The following BLOC1S6 variants were observed in gnomAD, a reference collection of about 807,000 sequenced individuals.
BLOC1S6 encodes biogenesis of lysosome-related organelles complex 1 subunit 6.
BLOC1S6 carries 24 observed loss-of-function variants against 24.7 expected under a neutral mutation model. That is an observed-to-expected ratio of 0.97 (90% CI 0.70 to 1.37). BLOC1S6 has a LOEUF of 1.37. BLOC1S6 is among the 40% of genes most tolerant of loss of function. The pLI is 0.00. For synonymous variants in BLOC1S6, 76 were observed against 72.6 expected, an observed-to-expected ratio of 1.05 and a Z score of -0.23; for missense variants, 175 against 196.2, an observed-to-expected ratio of 0.89 and a Z score of 0.64.
rs769458704 is a variant in BLOC1S6 at position 45,606,463 on chromosome 15, G to C, written c.468G>C (p.Lys156Asn). 6.2e-7 allele frequency: 1 copy of C among 1,614,130 alleles called. No individual in the cohort carries two copies. The highest frequency in any genetic ancestry group is 1.7e-5 in the Admixed American group (1 of 60,016). ...EELEREQQRE[K>N]EFEREKQLTA... ...TGGAAAGGGAGCAGCAACGAGAGAAGGAGTTTGAAAGAGAAAAGCAGTTAA... is the reference window on the plus strand; with the variant it reads ...TGGAAAGGGAGCAGCAACGAGAGAACGAGTTTGAAAGAGAAAAGCAGTTAA... The change falls in exon 5 of 5, where the codon AAG (lysine) becomes AAC (asparagine). Residue 156 changes from lysine to asparagine, a missense_variant. By Grantham distance (94) the Lys-to-Asn change is moderately conservative. Transcript: ENST00000220531.
chr15:45,593,516 C>T (rs79663035), intron 2 of BLOC1S6, among the ~76,000 whole-genome samples: 4,568 of 151,862 alleles, frequency 0.03, 94 homozygotes, highest in South Asian at 0.06. Context: ...ATCCCTAGCG[C>T]GCGATATACC....
At chr15:45,593,184 G>A (rs949516655) in intron 2 of BLOC1S6, among the ~76,000 whole-genome samples, 6 of 151,426 alleles carry the variant, frequency 4.0e-5, no homozygotes, top group Non-Finnish European at 8.8e-5. Context: ...ACTTGAGGTC[G>A]GGAGTTTTAG....
intron 1 of BLOC1S6, among the ~76,000 whole-genome samples, chr15:45,590,565 G>T (rs1190435086): frequency 2.6e-5 from 4 of 151,744 alleles, no homozygotes; most frequent in Admixed American, 2.6e-4. Context: ...ACAACACTAC[G>T]CCCGGGAAAT....
chr15:45,609,299 A>G lies in BLOC1S6; in HGVS notation c.*2785A>G, dbSNP rs1431856583. On this transcript the variant is annotated 3_prime_UTR_variant, in exon 5 of 5. Transcript: ENST00000220531. Reference sequence around the variant, plus strand: ...ATCGCACCACTGAACTCCAGCCCGTATGACAGAGTGAGACCCTGTTTCTAA... The same window carrying G: ...ATCGCACCACTGAACTCCAGCCCGTGTGACAGAGTGAGACCCTGTTTCTAA... 4 of 151,998 alleles carry G rather than the reference A, an allele frequency of 2.6e-5. No individual in the cohort carries two copies. The highest frequency in any genetic ancestry group is 5.9e-5 in the Non-Finnish European group (4 of 68,044). 9.4% of individuals were successfully genotyped at this position (151,998 alleles called of 1,614,324 possible).
chr15:45,605,415 T>C lies in BLOC1S6; in HGVS notation c.313-13T>C. ...ATTTTAACTTGACTTTTCATTTATT[T>C]TTCCATGTTAAGTTTGCTGAGGCTA... On this transcript the variant is annotated splice_polypyrimidine_tract_variant and intron_variant, in intron 3 of 4. Transcript: ENST00000220531. 6.3e-7 allele frequency: 1 copy of C among 1,589,908 alleles called. No homozygotes were observed. The highest frequency in any genetic ancestry group is 1.1e-5 in the South Asian group (1 of 90,046).
rs538421035 is a variant in BLOC1S6, at chr15:45,608,083, G to A, written c.*1569G>A. 6.5e-6 allele frequency: 1 copy of A among 152,702 alleles called. No individual in the cohort carries two copies. Among genetic ancestry groups the A allele is most frequent in the Non-Finnish European group, 1.5e-5 (1 of 68,026 alleles). The allele number at this position is 152,702 out of a possible 1,614,324, so 9.5% of individuals were successfully genotyped here. ...CAGAGCCTGTGAAGATGTATGAATGGTATCTTTTATAATCCACAATACATT... is the reference window on the plus strand; with the variant it reads ...CAGAGCCTGTGAAGATGTATGAATGATATCTTTTATAATCCACAATACATT... On this transcript the variant is annotated 3_prime_UTR_variant, in exon 5 of 5. Transcript: ENST00000220531.
At chr15:45,588,868 A>C (rs934359460) in intron 1 of BLOC1S6, among the ~76,000 whole-genome samples, 2 of 152,072 alleles carry the variant, frequency 1.3e-5, no homozygotes, top group Admixed American at 1.3e-4. Context: ...TATTGCATCC[A>C]TTCCACTCCT....
intron 2 of BLOC1S6, among the ~76,000 whole-genome samples, chr15:45,592,731 C>T (rs1893931033): frequency 6.6e-6 from 1 of 152,260 alleles, no homozygotes; most frequent in East Asian, 1.9e-4. Flanking sequence ...GATAACTTTA[C>T]TAGTAAGTAA....
chr15:45,605,354 A>G (rs1894410613), intron 3 of BLOC1S6, 74 bp from the exon 4 acceptor site: 13 of 1,194,294 alleles, frequency 1.1e-5, no homozygotes, highest in Non-Finnish European at 1.6e-5. Context: ...TATCATTTAT[A>G]TATTGCCTTA....
At chr15:45,591,142 A>G (rs1893869233) in intron 1 of BLOC1S6, among the ~76,000 whole-genome samples, 1 of 152,200 alleles carries the variant, frequency 6.6e-6, no homozygotes, top group East Asian at 1.9e-4. Flanking sequence ...ACTATTTTCT[A>G]TGGTAAATTA....
chr15:45,605,278 T>G (rs1894408391), intron 3 of BLOC1S6, 150 bp from the exon 4 acceptor site: 2 of 627,080 alleles, frequency 3.2e-6, no homozygotes, highest in Admixed American at 3.1e-5. Context: ...TAAGGAAATC[T>G]TTATTTTGGA....
chr15:45,602,135 A>G (rs535826765), intron 2 of BLOC1S6, among the ~76,000 whole-genome samples: 5 of 152,054 alleles, frequency 3.3e-5, no homozygotes, highest in Admixed American at 1.3e-4. Context: ...GCTTCAAGCA[A>G]TCCTCCTTCC....
At chr15:45,605,742 A>G (rs1406207546) in intron 4 of BLOC1S6, 1 of 434,388 alleles carries the variant, frequency 2.3e-6, no homozygotes, top group Non-Finnish European at 4.2e-6. Flanking sequence ...GGTGCCCGCC[A>G]CCACACCCAC....
chr15:45,589,809 A>T (rs1893817442), intron 1 of BLOC1S6, among the ~76,000 whole-genome samples: 1 of 152,048 alleles, frequency 6.6e-6, no homozygotes, highest in Non-Finnish European at 1.5e-5. Context: ...GTGACTTCTT[A>T]ACCATTGGAA....
chr15:45,592,393 T>A, intron 2 of BLOC1S6, 117 bp downstream of exon 2: 1 of 1,253,322 alleles, frequency 8.0e-7, no homozygotes. Context: ...TAATTGAGTA[T>A]GTCTATATCT....
chr15:45,601,518 C>T (rs1894269118), intron 2 of BLOC1S6: 1 of 152,164 alleles, frequency 6.6e-6, no homozygotes, highest in African/African-American at 2.4e-5. Context: ...TAGTCCATTC[C>T]ATCCACATTA....
rs1216096727 is a variant in BLOC1S6, at chr15:45,592,227, C to T, written c.175C>T (p.His59Tyr). ...GCAACTGGCAGAAGGATTGCTTTCT[C>T]ATTATTTGCCAGATCTGCAGAGATC... ...VEQLAEGLLS[H>Y]YLPDLQRSKQ... The change falls in exon 2 of 5, where the codon CAT becomes TAT. Residue 59 changes from histidine to tyrosine, a missense_variant. Transcript: ENST00000220531. The T allele has an allele frequency of 2.5e-6, 4 of 1,614,110 alleles. No homozygotes were observed. Among genetic ancestry groups the T allele is most frequent in the Admixed American group, 1.7e-5 (1 of 60,026 alleles).
At chr15:45,594,518 G>C (rs1404909565) in intron 2 of BLOC1S6, among the ~76,000 whole-genome samples, 1 of 152,106 alleles carries the variant, frequency 6.6e-6, no homozygotes, top group Non-Finnish European at 1.5e-5. Flanking sequence ...CATATTTACT[G>C]TAAATTATAC....
intron 2 of BLOC1S6, among the ~76,000 whole-genome samples, chr15:45,596,688 GT>G (rs929994921): frequency 1.4e-5 from 2 of 143,410 alleles, no homozygotes; most frequent in Non-Finnish European, 1.5e-5. Context: ...GTCATTGTTT[GT>G]TTTTTTTTTG....
Sources: allele counts gnomAD v4.1 joint callset (sites outside exome capture counted in the v4.1 genomes callset), GRCh38; gene constraint gnomAD v4.1.1; transcripts MANE v1.5; gene names NCBI Gene and HGNC (gene_info 2026-07-23, HGNC 2026-07-21).